The following DPH5 variants were observed in gnomAD, a reference collection of about 807,000 sequenced individuals.
DPH5 encodes diphthamide biosynthesis 5.
A neutral mutation model predicts 31.6 loss-of-function variants in DPH5; 31 were observed. That is an observed-to-expected ratio of 0.98 (90% CI 0.74 to 1.32). The LOEUF is 1.32. Ranked by LOEUF, DPH5 falls within the 40% of genes most tolerant of loss-of-function variation. The probability of loss-of-function intolerance (pLI) is 0.00; values close to 1 mark genes in which losing one functional copy is unlikely to be tolerated. For missense variants in DPH5, 309 were observed against 335.7 expected, an observed-to-expected ratio of 0.92 and a Z score of 0.62; for synonymous variants, 120 against 115.0, an observed-to-expected ratio of 1.04 and a Z score of -0.28.
intron 3 of DPH5, among the ~76,000 whole-genome samples, chr1:101,016,076 C>T (rs1660053524): frequency 6.6e-6 from 1 of 152,156 alleles, no homozygotes; most frequent in African/African-American, 2.4e-5. Context: ...CTTTTCCAGC[C>T]AGGTGCAGTG....
chr1:100,995,341 T>A (rs1658249403), intron 5 of DPH5, 192 bp from the exon 6 acceptor site: 4 of 468,322 alleles, frequency 8.5e-6, no homozygotes, highest in Non-Finnish European at 1.2e-5. Flanking sequence ...AAAACAAACA[T>A]GAACTTGGCC....
intron 5 of DPH5, among the ~76,000 whole-genome samples, chr1:101,000,307 C>A (rs1658758647): frequency 6.6e-6 from 1 of 152,148 alleles, no homozygotes; most frequent in Non-Finnish European, 1.5e-5. Flanking sequence ...TAACACAGTA[C>A]AATTCAAAGT....
At chr1:101,021,265 G>A (rs772485424) in intron 3 of DPH5, among the ~76,000 whole-genome samples, 2 of 152,256 alleles carry the variant, frequency 1.3e-5, no homozygotes, top group East Asian at 1.9e-4. Flanking sequence ...AAAAGAAGTC[G>A]AAGATGCCTG....
At chr1:100,992,209 T>C (rs1478095452) in intron 7 of DPH5, among the ~76,000 whole-genome samples, 4 of 152,154 alleles carry the variant, frequency 2.6e-5, no homozygotes, top group Non-Finnish European at 5.9e-5. Context: ...TTCTCTTATA[T>C]TTACCCTGAA....
chr1:101,023,647 A>T (rs550828637), intron 2 of DPH5, among the ~76,000 whole-genome samples: 2 of 152,304 alleles, frequency 1.3e-5, no homozygotes, highest in African/African-American at 4.8e-5. Flanking sequence ...ACATCATCTC[A>T]ATAAAACACT....
intron 5 of DPH5, among the ~76,000 whole-genome samples, chr1:101,001,224 T>G (rs1041172736): frequency 2.6e-5 from 4 of 152,192 alleles, no homozygotes; most frequent in Non-Finnish European, 5.9e-5. Flanking sequence ...GAGGATCTAC[T>G]AGGGCAGGGC....
intron 2 of DPH5, among the ~76,000 whole-genome samples, chr1:101,024,593 CCATAA>C (rs563620491): frequency 5.3e-4 from 80 of 152,244 alleles, no homozygotes; most frequent in Admixed American, 4.2e-3. Context: ...CTCCCTCCTC[CCATAA>C]CATATGTATT....
intron 6 of DPH5, among the ~76,000 whole-genome samples, chr1:100,994,779 A>G (rs1272939382): frequency 6.6e-6 from 1 of 152,158 alleles, no homozygotes; most frequent in East Asian, 1.9e-4. Flanking sequence ...CACCTGCCTC[A>G]GCCTCCCAAA....
chr1:101,010,365 G>C (rs1232318754), intron 4 of DPH5, among the ~76,000 whole-genome samples: 4 of 152,184 alleles, frequency 2.6e-5, no homozygotes, highest in Non-Finnish European at 2.9e-5. Context: ...GGCTGTGTGT[G>C]TGAATGTCTG....
chr1:100,995,361 T>A, intron 5 of DPH5: 1 of 434,104 alleles, frequency 2.3e-6, no homozygotes, highest in East Asian at 3.9e-5. Context: ...CCTGAGACCA[T>A]CCTGCTAACA....
At chr1:101,021,557 A>C in intron 3 of DPH5, 84 bp downstream of exon 3, 1 of 1,405,256 alleles carries the variant, frequency 7.1e-7, no homozygotes, top group Non-Finnish European at 9.7e-7. Context: ...CTGGCAGGTA[A>C]AAGTGTTAAA....
chr1:100,990,652 T>C (rs751871955), intron 7 of DPH5, 21 bp from the exon 8 acceptor site: 2 of 1,601,854 alleles, frequency 1.2e-6, no homozygotes, highest in South Asian at 2.2e-5. Flanking sequence ...AAAAAGATAC[T>C]GCTATTCAAT....
chr1:101,013,654 G>A lies in DPH5; in HGVS notation c.369+56C>T, dbSNP rs1570692809. The A allele has an allele frequency of 6.8e-6, 8 of 1,176,600 alleles. No homozygotes were observed. The East Asian group carries it at 1.7e-4, about 24-fold the overall frequency. The allele number at this position is 1,176,600 out of a possible 1,614,324, so 72.9% of individuals were successfully genotyped here. ...ACAATTAAATGTATTTTCAATTTGTGGAAAAATAAAACATTTTTATTTAAT... is the reference window on the plus strand; with the variant it reads ...ACAATTAAATGTATTTTCAATTTGTAGAAAAATAAAACATTTTTATTTAAT... On this transcript the variant is annotated intron_variant, in intron 4 of 7. Coordinates refer to ENST00000370109, the MANE Select transcript of DPH5 (RefSeq NM_015958.3).
rs143985203 is a variant in DPH5, at chr1:100,991,885, T to C, written c.634+752A>G. 2.1e-3 allele frequency among the ~76,000 whole-genome samples: 310 copies of C among 150,870 alleles called. 1 individual carries two copies. Among genetic ancestry groups the C allele is most frequent in the African/African-American group, 7.3e-3 (301 of 41,028 alleles). Reference sequence around the variant, plus strand: ...GCTTTGGGAGGCTGAGGTGGGAGGATTGCTTGAGCCAAGGAATTCGAGAAA... The same window carrying C: ...GCTTTGGGAGGCTGAGGTGGGAGGACTGCTTGAGCCAAGGAATTCGAGAAA... On this transcript the variant is annotated intron_variant, in intron 7 of 7. Transcript: ENST00000370109.
At chr1:100,999,867 G>A (rs949122224) in intron 5 of DPH5, among the ~76,000 whole-genome samples, 1 of 150,212 alleles carries the variant, frequency 6.7e-6, no homozygotes, top group African/African-American at 2.4e-5. Flanking sequence ...ATAAAAGGCC[G>A]AGTGCAGTGG....
At chr1:101,015,874 C>T (rs1295082281) in intron 3 of DPH5, among the ~76,000 whole-genome samples, 1 of 152,186 alleles carries the variant, frequency 6.6e-6, no homozygotes, top group East Asian at 1.9e-4. Flanking sequence ...CTTCCTCACC[C>T]CTGTCAGCCT....
rs756590567 is a variant in DPH5, at chr1:101,013,865, A to G, written c.261-47T>C. 2.1e-6 allele frequency: 3 copies of G among 1,421,282 alleles called. No individual in the cohort carries two copies. In the Admixed American group the frequency reaches 5.8e-5, roughly 27 times the overall value. The allele number at this position is 1,421,282 out of a possible 1,614,324, so 88.0% of individuals were successfully genotyped here. A position where few individuals can be genotyped will look rare whatever the true frequency, so the allele number is the denominator to read the frequency against. On this transcript the variant is annotated intron_variant, in intron 3 of 7. Coordinates refer to ENST00000370109, the MANE Select transcript of DPH5 (RefSeq NM_015958.3). ...TTGGATTAAAGCAAACAACACTTTTAAGACAGTAAAGCTATATTTCCTGAG... is the reference window on the plus strand; with the variant it reads ...TTGGATTAAAGCAAACAACACTTTTGAGACAGTAAAGCTATATTTCCTGAG...
rs764025051 is a variant in DPH5 at position 100,990,547 on chromosome 1, A to T, written c.719T>A (p.Met240Lys). The change falls in exon 8 of 8, where the codon ATG becomes AAG. Residue 240 changes from methionine (M) to lysine (K), a missense_variant. Physicochemically the swap from Met to Lys is moderately conservative, Grantham distance 95. Coordinates refer to ENST00000370109, the MANE Select transcript of DPH5 (RefSeq NM_015958.3). Reference sequence around the variant, plus strand: ...TGGTTCTCCCAAGTCCACAGTGCACATTTGCCTTAAAGTGCCTGCTGCAAT... The same window carrying T: ...TGGTTCTCCCAAGTCCACAGTGCACTTTTGCCTTAAAGTGCCTGCTGCAAT... Reference protein sequence around the residue: ...QKIAAGTLRQMCTVDLGEPLH... With the variant: ...QKIAAGTLRQKCTVDLGEPLH... 1 of 1,613,984 alleles carries T rather than the reference A, an allele frequency of 6.2e-7. No homozygotes were observed. The highest frequency in any genetic ancestry group is 8.5e-7 in the Non-Finnish European group (1 of 1,179,980).
chr1:101,009,907 G>A (rs996704111), intron 4 of DPH5, among the ~76,000 whole-genome samples: 3 of 152,136 alleles, frequency 2.0e-5, no homozygotes, highest in Non-Finnish European at 4.4e-5. Context: ...TCACTTCAGG[G>A]CCTTTGCACT....
Sources: gnomAD v4.1 joint callset for allele counts (sites outside exome capture counted in the v4.1 genomes callset) on GRCh38, gnomAD v4.1.1 for gene constraint, MANE v1.5 for transcripts, NCBI Gene and HGNC (gene_info 2026-07-23, HGNC 2026-07-21) for gene names.